Variants in C2CD2 observed in about 807,000 individuals in gnomAD.
The protein encoded by C2CD2 is C2 calcium dependent domain containing 2.
Under a neutral mutation model 74.3 loss-of-function variants are expected in C2CD2, and 43 were observed. That is an observed-to-expected ratio of 0.58 (90% CI 0.45 to 0.75). The LOEUF (loss-of-function observed/expected upper bound fraction) is 0.75. Ranked by LOEUF, C2CD2 falls within the 30% of genes least tolerant of loss-of-function variation. C2CD2 has a pLI of 0.00. For missense variants in C2CD2, 801 were observed against 916.3 expected, an observed-to-expected ratio of 0.87 and a Z score of 1.63; for synonymous variants, 422 against 390.7, an observed-to-expected ratio of 1.08 and a Z score of -0.94.
chr21:41,912,335 G>A lies in C2CD2; in HGVS notation c.950C>T (p.Thr317Ile), dbSNP rs1601570779. ...TPDLMWEEEF[T>I]FELNAKSKEL... ...CCCATAACCCGGCCAGACTCACAAG[G>A]TGAATTCCTCTTCCCACATGAGGTC... Residue 317 changes from threonine to isoleucine, a missense_variant, in exon 7 of 14, where the codon ACC (threonine) becomes ATC (isoleucine). By Grantham distance (89) the Thr-to-Ile change is moderately conservative. Transcript: ENST00000380486. 1 of 1,604,776 alleles carries A rather than the reference G, an allele frequency of 6.2e-7. No homozygotes were observed. The highest frequency in any genetic ancestry group is 8.5e-7 in the Non-Finnish European group (1 of 1,173,516).
intron 2 of C2CD2, among the ~76,000 whole-genome samples, chr21:41,938,672 T>C (rs1301263993): frequency 6.6e-6 from 1 of 152,138 alleles, no homozygotes; most frequent in African/African-American, 2.4e-5. Flanking sequence ...ACATCTGGCT[T>C]ATTTCACTGA....
Position 41,887,817 on chromosome 21 carries a change from A to T in C2CD2, c.*1307T>A, listed in dbSNP as rs1222905022. 1 of 152,320 alleles carries T rather than the reference A, an allele frequency of 6.6e-6. No individual in the cohort carries two copies. Among genetic ancestry groups the T allele is most frequent in the East Asian group, 1.9e-4 (1 of 5,188 alleles). 9.4% of individuals were successfully genotyped at this position (152,320 alleles called of 1,614,324 possible). The stretch of plus-strand genomic sequence containing the variant: ...GTAACAGCCTTTTACATGTCTTTGG[A>T]GAAAAGTGAATCATATTAAACTGTC... On this transcript the variant is annotated 3_prime_UTR_variant, in exon 14 of 14. Coordinates refer to ENST00000380486, the MANE Select transcript of C2CD2 (RefSeq NM_015500.2).
At chr21:41,951,922 C>T (rs2065453600) in intron 1 of C2CD2, among the ~76,000 whole-genome samples, 1 of 152,204 alleles carries the variant, frequency 6.6e-6, no homozygotes, top group South Asian at 2.1e-4. Flanking sequence ...CACTTGCCTG[C>T]CTCCTACAAA....
intron 2 of C2CD2, among the ~76,000 whole-genome samples, chr21:41,928,500 C>T (rs1223573051): frequency 2.3e-5 from 3 of 131,540 alleles, no homozygotes; most frequent in Non-Finnish European, 4.6e-5. Flanking sequence ...GCATAAATTC[C>T]AGGTTAATGG....
intron 1 of C2CD2, among the ~76,000 whole-genome samples, chr21:41,950,449 T>G (rs966582407): frequency 2.6e-5 from 4 of 152,230 alleles, no homozygotes; most frequent in African/African-American, 9.6e-5. Flanking sequence ...CGAGGTCCCC[T>G]GCAATACGGG....
intron 2 of C2CD2, among the ~76,000 whole-genome samples, chr21:41,938,490 A>G (rs2065327303): frequency 6.6e-6 from 1 of 152,040 alleles, no homozygotes; most frequent in African/African-American, 2.4e-5. Context: ...CATCATCACC[A>G]TCCACCTCCA....
chr21:41,918,091 C>G lies in C2CD2; in HGVS notation c.720+14G>C. ...CGGGGTTCAGATGCACCCACAGCAC[C>G]CAGATGAGTTTACCTGAGCTTCCTT... On this transcript the variant is annotated intron_variant, in intron 5 of 13. Transcript: ENST00000380486. The G allele has an allele frequency of 6.2e-7, 1 of 1,614,016 alleles. No homozygotes were observed. Among genetic ancestry groups the G allele is most frequent in the Non-Finnish European group, 8.5e-7 (1 of 1,179,942 alleles).
intron 3 of C2CD2, 184 bp from the exon 4 acceptor site, chr21:41,919,144 G>A (rs2065127566): frequency 1.6e-6 from 1 of 608,170 alleles, no homozygotes; most frequent in East Asian, 2.8e-5. Context: ...GAGCATGTGT[G>A]CTCATGTGTG....
chr21:41,940,471 T>C (rs1007867244), intron 2 of C2CD2, among the ~76,000 whole-genome samples: 3 of 152,242 alleles, frequency 2.0e-5, no homozygotes, highest in African/African-American at 7.2e-5. Context: ...CTCCTCAGTC[T>C]GGGGCCACAC....
chr21:41,894,508 G>C, intron 13 of C2CD2: 1 of 395,078 alleles, frequency 2.5e-6, no homozygotes, highest in East Asian at 7.1e-5. Flanking sequence ...TCTGAGAAGT[G>C]GCCAGCCAGG....
chr21:41,925,171 T>C (rs755511104), intron 2 of C2CD2, among the ~76,000 whole-genome samples: 23 of 152,226 alleles, frequency 1.5e-4, no homozygotes, highest in Middle Eastern at 3.4e-3. Context: ...CCCTCAGAAT[T>C]TGGCTAGAAA....
rs1439297303 is a variant in C2CD2 at position 41,926,359 on chromosome 21, G to A, written c.379-4274C>T. The A allele has an allele frequency of 3.1e-5, 27 of 873,268 alleles. No individual in the cohort carries two copies. Among genetic ancestry groups the A allele is most frequent in the East Asian group, 1.2e-4 (1 of 8,322 alleles). The allele number at this position is 873,268 out of a possible 1,614,324, so 54.1% of individuals were successfully genotyped here. ...TTTTTCGGAGTGGGGGGCTATTCACGGTAAGTCAGGGTCTCCACATGGAAA... is the reference window on the plus strand; with the variant it reads ...TTTTTCGGAGTGGGGGGCTATTCACAGTAAGTCAGGGTCTCCACATGGAAA... On this transcript the variant is annotated intron_variant, in intron 2 of 13. Transcript: ENST00000380486. This position sits in a 1 kb window ranked among gnomAD's most constrained non-coding sequence, Gnocchi z 8.0.
chr21:41,932,529 C>A (rs2065271793), intron 2 of C2CD2, among the ~76,000 whole-genome samples: 1 of 150,434 alleles, frequency 6.6e-6, no homozygotes, highest in Non-Finnish European at 1.5e-5. Context: ...AGCCCTGGGC[C>A]TTTGGGATCT....
intron 1 of C2CD2, chr21:41,943,119 G>T (rs1172629509): frequency 6.3e-6 from 1 of 159,414 alleles, no homozygotes; most frequent in African/African-American, 2.4e-5. Context: ...TGGCCAACAC[G>T]GTGAAACCCT....
At chr21:41,894,902 G>A in intron 13 of C2CD2, 1 of 456,774 alleles carries the variant, frequency 2.2e-6, no homozygotes, top group Non-Finnish European at 4.4e-6. Context: ...ACTCTTGTCT[G>A]CTGGGCAGTA....
At chr21:41,931,713 G>T (rs1280750544) in intron 2 of C2CD2, among the ~76,000 whole-genome samples, 3 of 150,314 alleles carry the variant, frequency 2.0e-5, no homozygotes, top group Non-Finnish European at 3.0e-5. Context: ...GAGCCACCAT[G>T]CCTGGCCAAG....
At position 41,907,930 on chromosome 21, in the gene C2CD2, AAAAATGTCGAT is replaced by A; in HGVS notation, c.1019-157_1019-147del. ...AAGTGCTCACGTTTCAGAATGTTTG[AAAAATGTCGAT>A]GCCATAAAAGACAAAGAAAGGCTGT... On this transcript the variant is annotated intron_variant, in intron 8 of 13. Transcript: ENST00000380486. 5.0e-6 allele frequency: 4 copies of A among 796,102 alleles called. No homozygotes were observed. In the South Asian group the frequency reaches 6.1e-5, roughly 12 times the overall value. 49.3% of individuals were successfully genotyped at this position (796,102 alleles called of 1,614,324 possible). A position where few individuals can be genotyped will look rare whatever the true frequency, so the allele number is the denominator to read the frequency against.
intron 13 of C2CD2, among the ~76,000 whole-genome samples, chr21:41,897,916 C>T (rs1048424970): frequency 3.9e-5 from 6 of 152,208 alleles, no homozygotes; most frequent in Non-Finnish European, 7.3e-5. Flanking sequence ...AGTGGCATCC[C>T]TGGCCTCTAT....
intron 13 of C2CD2, among the ~76,000 whole-genome samples, chr21:41,897,396 C>A (rs921025762): frequency 1.3e-5 from 2 of 152,170 alleles, no homozygotes; most frequent in African/African-American, 4.8e-5. Flanking sequence ...CTTCGCCCAG[C>A]ACTCACTGTC....
Sources: allele counts gnomAD v4.1 joint callset (sites outside exome capture counted in the v4.1 genomes callset), GRCh38; gene constraint gnomAD v4.1.1; non-coding constraint Gnocchi (gnomAD v3.1); transcripts MANE v1.5; gene names NCBI Gene and HGNC (gene_info 2026-07-23, HGNC 2026-07-21).